Variants in GABPB2 observed in about 807,000 individuals in gnomAD.
GABPB2 encodes GA binding protein transcription factor subunit beta 2.
GABPB2 carries 23 observed loss-of-function variants against 39.1 expected under a neutral mutation model. The ratio of observed to expected loss-of-function variants is 0.59; its 90% CI spans 0.42 to 0.83. The LOEUF is 0.83. Ranked by LOEUF, GABPB2 falls within the 40% of genes least tolerant of loss-of-function variation. The pLI, the probability that GABPB2 is intolerant of heterozygous loss-of-function variation, is 0.00. For missense variants in GABPB2, 467 were observed against 541.1 expected, an observed-to-expected ratio of 0.86 and a Z score of 1.36; for synonymous variants, 184 against 199.3, an observed-to-expected ratio of 0.92 and a Z score of 0.65.
intron 6 of GABPB2, 104 bp downstream of exon 6, chr1:151,103,779 A>T: frequency 2.6e-6 from 2 of 757,900 alleles, no homozygotes; most frequent in Non-Finnish European, 4.3e-6. Context: ...ATTGCATTTA[A>T]TTAGAGGCAG....
intron 7 of GABPB2, among the ~76,000 whole-genome samples, chr1:151,107,705 G>A (rs1177609237): frequency 6.6e-6 from 1 of 152,082 alleles, no homozygotes; most frequent in Non-Finnish European, 1.5e-5. Flanking sequence ...GGAGGCTGAC[G>A]CAGGAGGATC....
chr1:151,076,955 G>A (rs1043783144), intron 1 of GABPB2, among the ~76,000 whole-genome samples: 2 of 151,456 alleles, frequency 1.3e-5, no homozygotes, highest in Non-Finnish European at 2.9e-5. Flanking sequence ...CACCACACCC[G>A]GCTAATTTTT....
chr1:151,075,825 A>G (rs1165973449), intron 1 of GABPB2, among the ~76,000 whole-genome samples: 1 of 152,128 alleles, frequency 6.6e-6, no homozygotes, highest in East Asian at 1.9e-4. Flanking sequence ...CCTATGCAAG[A>G]TGGAGTTGCT....
chr1:151,084,448 ACTC>A (rs1434899327), intron 1 of GABPB2, among the ~76,000 whole-genome samples: 1 of 141,352 alleles, frequency 7.1e-6, no homozygotes, highest in African/African-American at 2.7e-5. Flanking sequence ...CTGGTCTCAA[ACTC>A]CTGACGTCAG....
chr1:151,079,615 T>C (rs944646509), intron 1 of GABPB2, among the ~76,000 whole-genome samples: 20 of 151,644 alleles, frequency 1.3e-4, no homozygotes, highest in African/African-American at 4.8e-4. Context: ...TCAGAAACAT[T>C]TTGCGACCGG....
At chr1:151,080,130 G>T (rs137983935) in intron 1 of GABPB2, among the ~76,000 whole-genome samples, 5 of 147,128 alleles carry the variant, frequency 3.4e-5, no homozygotes, top group Non-Finnish European at 7.4e-5. Flanking sequence ...TAGGAGAATC[G>T]CTTGAACTTT....
intron 6 of GABPB2, among the ~76,000 whole-genome samples, chr1:151,104,930 A>T (rs1679848196): frequency 1.4e-5 from 2 of 146,578 alleles, no homozygotes; most frequent in South Asian, 4.3e-4. Flanking sequence ...CTTGAGACAG[A>T]GTCTCACTCT....
chr1:151,070,822 A>G lies in GABPB2; in HGVS notation c.-113A>G, dbSNP rs1441028965. 6.6e-6 allele frequency: 1 copy of G among 152,180 alleles called. No individual in the cohort carries two copies. The highest frequency in any genetic ancestry group is 6.5e-5 in the Admixed American group (1 of 15,274). 9.4% of individuals were successfully genotyped at this position (152,180 alleles called of 1,614,324 possible). A position where few individuals can be genotyped will look rare whatever the true frequency, so the allele number is the denominator to read the frequency against. ...TTAAAGGCCCCCAAAACATGCACAC[A>G]TGAAAAGGGCAAAAAGTAACCGTCC... is the stretch of plus-strand genomic sequence containing the variant. On this transcript the variant is annotated 5_prime_UTR_variant, in exon 1 of 9. An upstream start codon of the reference 5' UTR is lost. Transcript: ENST00000368918.
chr1:151,082,939 G>T (rs1173844939), intron 1 of GABPB2, among the ~76,000 whole-genome samples: 1 of 150,144 alleles, frequency 6.7e-6, no homozygotes, highest in African/African-American at 2.5e-5. Context: ...TCATACCACT[G>T]CACTCTAGCC....
At chr1:151,117,284 G>A in intron 7 of GABPB2, 108 bp from the exon 8 acceptor site, 5 of 1,229,510 alleles carry the variant, frequency 4.1e-6, no homozygotes, top group Non-Finnish European at 4.6e-6. Context: ...ACACACCACT[G>A]TACCCAACCT....
intron 8 of GABPB2, 68 bp from the exon 9 acceptor site, chr1:151,117,889 T>C (rs1681002878): frequency 6.7e-7 from 1 of 1,487,592 alleles, no homozygotes; most frequent in Admixed American, 1.9e-5. Context: ...TGGCCTGTCT[T>C]TTTGTCTACT....
At chr1:151,081,759 C>T (rs1047404055) in intron 1 of GABPB2, among the ~76,000 whole-genome samples, 1 of 151,910 alleles carries the variant, frequency 6.6e-6, no homozygotes, top group East Asian at 1.9e-4. Flanking sequence ...CTCAGCCTCC[C>T]GAGTAGCTGA....
chr1:151,105,410 TCAAATATATATA>T (rs1018167819), intron 6 of GABPB2, among the ~76,000 whole-genome samples: 32 of 148,646 alleles, frequency 2.2e-4, no homozygotes, highest in Middle Eastern at 3.3e-3. Flanking sequence ...CAAATGTATA[TCAAATATATATA>T]CAAATATATA....
chr1:151,077,799 A>C (rs1338274566), intron 1 of GABPB2, among the ~76,000 whole-genome samples: 1 of 151,266 alleles, frequency 6.6e-6, no homozygotes, highest in Admixed American at 6.6e-5. Context: ...AAAAATACAA[A>C]AATTAGCCGG....
intron 1 of GABPB2, among the ~76,000 whole-genome samples, chr1:151,080,544 T>TAAATA (rs1553260955): frequency 1.1e-4 from 16 of 147,298 alleles, no homozygotes; most frequent in South Asian, 4.3e-4. Context: ...AATAAATAAA[T>TAAATA]AAATAAAATA....
intron 7 of GABPB2, among the ~76,000 whole-genome samples, chr1:151,109,364 A>AT (rs56324886): frequency 4.5e-4 from 51 of 112,374 alleles, no homozygotes; most frequent in Admixed American, 7.6e-4. Context: ...ATATATATAT[A>AT]TTTTTTTTTT....
At chr1:151,089,118 G>A (rs1441931376) in intron 2 of GABPB2, among the ~76,000 whole-genome samples, 1 of 152,198 alleles carries the variant, frequency 6.6e-6, no homozygotes, top group African/African-American at 2.4e-5. Context: ...ACAGGTCCAA[G>A]TTATAATGTG....
rs1679223602 is a variant in GABPB2, at chr1:151,097,937, T to A, written c.557T>A (p.Phe186Tyr). The change falls in exon 5 of 9, where the codon TTC becomes TAC. Residue 186 changes from phenylalanine (F) to tyrosine (Y), a missense_variant. Phe to Tyr is a conservative substitution (Grantham distance 22). Coordinates refer to ENST00000368918, the MANE Select transcript of GABPB2 (RefSeq NM_144618.3). ...DPVSMAAPFI[F>Y]TSGEVVNLAS... ...GTGAGTATGGCTGCTCCATTCATCT[T>A]CACGTCGGGTGAGGTTGTTAACCTC... 1 of 1,614,034 alleles carries A rather than the reference T, an allele frequency of 6.2e-7. No individual in the cohort carries two copies. The highest frequency in any genetic ancestry group is 8.5e-7 in the Non-Finnish European group (1 of 1,180,018).
intron 1 of GABPB2, among the ~76,000 whole-genome samples, chr1:151,077,629 G>T (rs1677289174): frequency 6.6e-6 from 1 of 151,758 alleles, no homozygotes; most frequent in African/African-American, 2.4e-5. Flanking sequence ...GTATTTGAGG[G>T]TATAAACCCA....
Sources: allele counts gnomAD v4.1 joint callset (sites outside exome capture counted in the v4.1 genomes callset), GRCh38; gene constraint gnomAD v4.1.1; transcripts MANE v1.5; gene names NCBI Gene and HGNC (gene_info 2026-07-23, HGNC 2026-07-21).